Variants in SCUBE1 observed in about 807,000 individuals in gnomAD.
SCUBE1 encodes the protein signal peptide, CUB domain and EGF like domain containing 1, also known as signal peptide, CUB and EGF-like domain-containing protein 1.
SCUBE1 carries 59 observed loss-of-function variants against 124.4 expected under a neutral mutation model. The observed-to-expected ratio is 0.47, with a 90% CI of 0.38 to 0.59. SCUBE1 has a LOEUF of 0.59. Ranked by LOEUF, SCUBE1 falls within the 20% of genes least tolerant of loss-of-function variation. The pLI is 0.00. For missense variants in SCUBE1, 1,150 were observed against 1,371.2 expected, an observed-to-expected ratio of 0.84 and a Z score of 2.55; for synonymous variants, 545 against 550.9, an observed-to-expected ratio of 0.99 and a Z score of 0.15.
intron 2 of SCUBE1, among the ~76,000 whole-genome samples, chr22:43,322,723 T>C (rs1011434746): frequency 6.6e-6 from 1 of 152,156 alleles, no homozygotes; most frequent in Non-Finnish European, 1.5e-5. Context: ...CTTAACAGTC[T>C]TATCCAAACA....
chr22:43,278,067 G>A (rs73886558), intron 4 of SCUBE1, among the ~76,000 whole-genome samples: 3,123 of 152,376 alleles, frequency 0.02, 36 homozygotes, highest in African/African-American at 0.036. Context: ...AGAGGGGCGT[G>A]AAGCTGGGCT....
intron 4 of SCUBE1, among the ~76,000 whole-genome samples, chr22:43,263,958 A>G (rs544322267): frequency 5.3e-5 from 8 of 152,352 alleles, no homozygotes; most frequent in African/African-American, 1.9e-4. Flanking sequence ...CTCGATTCCA[A>G]AACAGCATCA....
At chr22:43,323,386 A>G (rs563819107) in intron 2 of SCUBE1, among the ~76,000 whole-genome samples, 2 of 152,102 alleles carry the variant, frequency 1.3e-5, no homozygotes, top group South Asian at 4.2e-4. Flanking sequence ...CCATTCTTCC[A>G]TTTATCTATT....
At position 43,214,249 on chromosome 22, in the gene SCUBE1, C is replaced by T. The variant is rs776533962; in HGVS notation, c.1894G>A (p.Ala632Thr). 3.1e-6 allele frequency: 5 copies of T among 1,611,286 alleles called. No individual in the cohort carries two copies. The highest frequency in any genetic ancestry group is 3.4e-6 in the Non-Finnish European group (4 of 1,178,910). ...CCGAAGTGGGTGCCAGGCCCACAGG[C>T]AACTGCAGAGGCAAAGCGGAGAGGC... ...GQVLQDSKCV[A>T]CGPGTHFGGE... Residue 632 changes from alanine to threonine, a missense_variant and splice_region_variant, in exon 16 of 22, where the codon GCC becomes ACC. Physicochemically the swap from Ala to Thr is moderately conservative, Grantham distance 58. This residue lies in a region of SCUBE1 where 757 missense variants were observed against 840.9 expected (regional missense o/e 0.90). Coordinates refer to ENST00000360835, the MANE Select transcript of SCUBE1 (RefSeq NM_173050.5).
chr22:43,225,782 C>G (rs1601810213), intron 10 of SCUBE1, among the ~76,000 whole-genome samples: 1 of 151,976 alleles, frequency 6.6e-6, no homozygotes, highest in Non-Finnish European at 1.5e-5. Context: ...GGCAGGTTTG[C>G]GTAAACCTGC....
chr22:43,288,902 C>T (rs891679284), intron 4 of SCUBE1, among the ~76,000 whole-genome samples: 7 of 152,384 alleles, frequency 4.6e-5, no homozygotes, highest in Middle Eastern at 3.4e-3. Context: ...GCTGCTCCCA[C>T]GTCATCCCCT....
Position 43,307,608 on chromosome 22 carries a change from G to T in SCUBE1, c.349+12329C>A, listed in dbSNP as rs536921790. ...CTCTGACCCAGCAGCCCAGCCAGGG[G>T]GTTCCAAACTGAGGTCCAGAGGCTC... On this transcript the variant is annotated intron_variant, in intron 3 of 21. Transcript: ENST00000360835. 8.5e-5 allele frequency among the ~76,000 whole-genome samples: 13 copies of T among 152,280 alleles called. No individual in the cohort carries two copies. In the South Asian group the frequency reaches 2.5e-3, roughly 29 times the overall value.
At chr22:43,239,080 C>G (rs1176611162) in intron 6 of SCUBE1, 126 bp from the exon 7 acceptor site, 7 of 711,980 alleles carry the variant, frequency 9.8e-6, no homozygotes, top group Non-Finnish European at 1.2e-5. Context: ...CTCTGATATA[C>G]TCTCTGGCTG....
chr22:43,299,993 A>G (rs918074710), intron 3 of SCUBE1, among the ~76,000 whole-genome samples: 2 of 152,212 alleles, frequency 1.3e-5, no homozygotes, highest in African/African-American at 2.4e-5. Context: ...ATTCTATTGC[A>G]TGGACAGACC....
At chr22:43,263,432 T>G (rs1174368133) in intron 4 of SCUBE1, among the ~76,000 whole-genome samples, 1 of 152,198 alleles carries the variant, frequency 6.6e-6, no homozygotes, top group African/African-American at 2.4e-5. Flanking sequence ...GGGAAGCGCC[T>G]CTGTCTGCCA....
intron 3 of SCUBE1, among the ~76,000 whole-genome samples, chr22:43,306,224 C>T (rs892936887): frequency 6.6e-5 from 10 of 152,178 alleles, no homozygotes; most frequent in African/African-American, 9.7e-5. Flanking sequence ...TTTAGGGCCA[C>T]GGCTCCGTGT....
rs1274215299 is a variant in SCUBE1 at position 43,211,945 on chromosome 22, A to C, written c.2221+480T>G. ...GACAGACAGACAGACACTGAGAGGGAGCACGGTGGGGAAGCAGGGTCAGCA... is the reference window on the plus strand; with the variant it reads ...GACAGACAGACAGACACTGAGAGGGCGCACGGTGGGGAAGCAGGGTCAGCA... On this transcript the variant is annotated intron_variant, in intron 17 of 21. Transcript: ENST00000360835. This position sits in a 1 kb window ranked among gnomAD's most constrained non-coding sequence, Gnocchi z 4.5. Among the ~76,000 whole-genome samples, 1 of 152,058 alleles carries C rather than the reference A, an allele frequency of 6.6e-6. No individual in the cohort carries two copies. Among genetic ancestry groups the C allele is most frequent in the African/African-American group, 2.4e-5 (1 of 41,390 alleles).
At chr22:43,340,285 A>G (rs1404987731) in intron 1 of SCUBE1, among the ~76,000 whole-genome samples, 1 of 151,990 alleles carries the variant, frequency 6.6e-6, no homozygotes, top group Non-Finnish European at 1.5e-5. Context: ...GGAAATCCAC[A>G]CGTGAACCTG....
In SCUBE1 at chr22:43,231,794, C is replaced by T. The variant is rs561215671; in HGVS notation, c.926G>A (p.Arg309Gln). 2.9e-5 allele frequency: 46 copies of T among 1,610,728 alleles called. No individual in the cohort carries two copies. The East Asian group carries it at 3.6e-4, about 13-fold the overall frequency. The part of the protein sequence containing the change: ...NTVGSFECGC[R>Q]KGYKLLTDER... ...GTCGGTGAGCAGCTTGTAGCCCTTCCGGCAGCCGCACTCGAAGCTGCCCAC... is the reference window on the plus strand; with the variant it reads ...GTCGGTGAGCAGCTTGTAGCCCTTCTGGCAGCCGCACTCGAAGCTGCCCAC... Residue 309 changes from arginine to glutamine, a missense_variant, in exon 8 of 22, where the codon CGG becomes CAG. This residue lies in a region of SCUBE1 where 337 missense variants were observed against 482.1 expected (regional missense o/e 0.70). Transcript: ENST00000360835.
At chr22:43,213,413 C>G (rs568053331) in intron 16 of SCUBE1, 1 of 152,206 alleles carries the variant, frequency 6.6e-6, no homozygotes, top group East Asian at 1.9e-4. Context: ...GGACCCCACT[C>G]CCCCACCCTC....
intron 4 of SCUBE1, among the ~76,000 whole-genome samples, chr22:43,277,075 C>T (rs1400283047): frequency 6.6e-6 from 1 of 151,148 alleles, no homozygotes; most frequent in Non-Finnish European, 1.5e-5. Context: ...GGGTGGAGGC[C>T]GAATGAGACA....
At chr22:43,230,822 ACCTT>A in intron 8 of SCUBE1, among the ~76,000 whole-genome samples, 1 of 152,048 alleles carries the variant, frequency 6.6e-6, no homozygotes, top group Non-Finnish European at 1.5e-5. Context: ...TTCCTCAGGG[ACCTT>A]GTGGGAGAAC....
chr22:43,246,084 G>A (rs1109663), intron 6 of SCUBE1, among the ~76,000 whole-genome samples: 18,593 of 152,180 alleles, frequency 0.12, 1,353 homozygotes, highest in African/African-American at 0.21. Context: ...GCCGACCTCA[G>A]GAGAGGTCTC....
chr22:43,267,717 T>C (rs1924129094), intron 4 of SCUBE1, among the ~76,000 whole-genome samples: 1 of 152,198 alleles, frequency 6.6e-6, no homozygotes, highest in Admixed American at 6.5e-5. Flanking sequence ...CCCCACCCAC[T>C]GGAGCACCTG....
Sources: allele counts gnomAD v4.1 joint callset (sites outside exome capture counted in the v4.1 genomes callset), GRCh38; gene constraint gnomAD v4.1.1; regional missense constraint gnomAD v4.1.1; non-coding constraint Gnocchi (gnomAD v3.1); transcripts MANE v1.5; gene names NCBI Gene and HGNC (gene_info 2026-07-23, HGNC 2026-07-21).